COL2A1: variants seen among roughly 807,000 people sequenced by gnomAD.
COL2A1 encodes the protein collagen type II alpha 1 chain, also known as collagen alpha-1(II) chain.
A neutral mutation model predicts 204.5 loss-of-function variants in COL2A1; 28 were observed. The ratio of observed to expected loss-of-function variants is 0.14; its 90% CI spans 0.10 to 0.19. COL2A1 has a LOEUF of 0.19. COL2A1 is among the 10% of genes least tolerant of loss of function. The pLI is 1.00. For missense variants in COL2A1, 1,388 were observed against 2,027.5 expected, an observed-to-expected ratio of 0.68 and a Z score of 6.06; for synonymous variants, 708 against 718.7, an observed-to-expected ratio of 0.99 and a Z score of 0.24.
In COL2A1 at chr12:47,993,467, C is replaced by T. The variant is rs138806868; in HGVS notation, c.960G>A (p.Pro320=). 39 of 1,613,232 alleles carry T rather than the reference C, an allele frequency of 2.4e-5. No homozygotes were observed. In the African/African-American group the frequency reaches 2.9e-4, roughly 12 times the overall value. ...ESGSPGENGS[P]GPMGPRGLPG... ...GGGTGTCCATACTTACCATTGGGCC[C>T]GGAGATCCGTTCTCACCCGGGGAAC... The change falls in exon 15 of 54, where the codon CCG becomes CCA. Residue 320 remains proline (P), a synonymous_variant. Transcript: ENST00000380518.
At position 47,986,692 on chromosome 12, in the gene COL2A1, T is replaced by A. The variant is rs1448722562; in HGVS notation, c.1419+143A>T. 15 of 995,126 alleles carry A rather than the reference T, an allele frequency of 1.5e-5. No homozygotes were observed. In the East Asian group the frequency reaches 3.6e-4, roughly 24 times the overall value. 61.6% of individuals were successfully genotyped at this position (995,126 alleles called of 1,614,324 possible). ...TGTATCTGGGCCTTCTCAGCCCTGT[T>A]AAGTCTCCTCCAGGCATAATCTGAA... On this transcript the variant is annotated intron_variant, in intron 22 of 53. Transcript: ENST00000380518.
chr12:47,981,476 G>T, intron 36 of COL2A1, 80 bp from the exon 37 acceptor site: 1 of 1,320,470 alleles, frequency 7.6e-7, no homozygotes, highest in Non-Finnish European at 1.1e-6. Context: ...CATTTGGGGG[G>T]CCTTGCTCGT....
intron 32 of COL2A1, 57 bp from the exon 33 acceptor site, chr12:47,983,003 G>A (rs1939181847): frequency 1.2e-6 from 2 of 1,607,040 alleles, no homozygotes; most frequent in Non-Finnish European, 1.7e-6. Context: ...GAAGGTCCAG[G>A]GAGAAGCAGG....
At position 47,974,677 on chromosome 12, in the gene COL2A1, G is replaced by T. The variant is rs1938605744; in HGVS notation, c.4072C>A (p.His1358Asn). 1 of 1,614,048 alleles carries T rather than the reference G, an allele frequency of 6.2e-7. No homozygotes were observed. The highest frequency in any genetic ancestry group is 1.3e-5 in the African/African-American group (1 of 74,928). ...WFGETINGGFHFSYGDDNLAP... is the reference protein window; with the variant it reads ...WFGETINGGFNFSYGDDNLAP... ...ATCTAGGGCACCCAGGTACTCACATGGAAGCCACCATTGATGGTTTCTCCA... is the reference window on the plus strand; with the variant it reads ...ATCTAGGGCACCCAGGTACTCACATTGAAGCCACCATTGATGGTTTCTCCA... Residue 1358 changes from histidine (H) to asparagine (N), a missense_variant and splice_region_variant, in exon 52 of 54, where the codon CAT (histidine) becomes AAT (asparagine). By Grantham distance (68) the His-to-Asn change is moderately conservative. Around this residue, in one of 3 missense-constraint regions of COL2A1, gnomAD observed 303 missense variants for 369.2 expected, o/e 0.82. Transcript: ENST00000380518.
chr12:47,986,504 G>C (rs546643459), intron 22 of COL2A1, 61 bp from the exon 23 acceptor site: 5 of 1,047,892 alleles, frequency 4.8e-6, no homozygotes, highest in African/African-American at 4.7e-5. Context: ...AGCAAGCCTC[G>C]ACTCAGAGTA....
At position 47,987,033 on chromosome 12, in the gene COL2A1, C is replaced by G. The variant is rs771710122; in HGVS notation, c.1365+45G>C. On this transcript the variant is annotated intron_variant, in intron 21 of 53. Transcript: ENST00000380518. This position sits in a 1 kb window ranked among gnomAD's most constrained non-coding sequence, Gnocchi z 4.1. ...GGGAAAGAGGGGTGATGGGGTTTGA[C>G]TCCAGAGATGTCAGTGGAACTTGGG... is the stretch of plus-strand genomic sequence containing the variant. 2 of 1,597,088 alleles carry G rather than the reference C, an allele frequency of 1.3e-6. No individual in the cohort carries two copies. Among genetic ancestry groups the G allele is most frequent in the Non-Finnish European group, 1.7e-6 (2 of 1,164,586 alleles).
rs540750398 is a variant in COL2A1 at position 47,973,451 on chromosome 12, C to G, written c.4420G>C (p.Glu1474Gln). The part of the protein sequence containing the change: ...DIAPMDIGGP[E>Q]QEFGVDIGPV... ...CCTATGTCCACACCGAATTCCTGCT[C>G]GGGCCCTCCTATGTCCATGGGTGCA... The change falls in exon 54 of 54, where the codon GAG (glutamate) becomes CAG (glutamine). Residue 1474 changes from glutamate (E) to glutamine (Q), a missense_variant. Transcript: ENST00000380518. The G allele has an allele frequency of 2.5e-6, 4 of 1,614,122 alleles. No homozygotes were observed. The highest frequency in any genetic ancestry group is 2.2e-5 in the South Asian group (2 of 91,068).
chr12:47,980,418 T>C lies in COL2A1; in HGVS notation c.2625+136A>G. The C allele has an allele frequency of 1.2e-6, 1 of 836,546 alleles. No homozygotes were observed. Among genetic ancestry groups the C allele is most frequent in the South Asian group, 1.4e-5 (1 of 69,250 alleles). The allele number at this position is 836,546 out of a possible 1,614,324, so 51.8% of individuals were successfully genotyped here. A position where few individuals can be genotyped will look rare whatever the true frequency, so the allele number is the denominator to read the frequency against. On this transcript the variant is annotated intron_variant, in intron 39 of 53. Transcript: ENST00000380518. This position sits in a 1 kb window ranked among gnomAD's most constrained non-coding sequence, Gnocchi z 4.5. ...CCACCCACACAGCCCACATGCCACATGGAAGCTCCTTCTACCAACATGGGG... is the reference window on the plus strand; with the variant it reads ...CCACCCACACAGCCCACATGCCACACGGAAGCTCCTTCTACCAACATGGGG...
In COL2A1 at chr12:47,976,995, G is replaced by A. The variant is rs553785885; in HGVS notation, c.3328-76C>T. 6.5e-5 allele frequency: 99 copies of A among 1,533,868 alleles called. No homozygotes were observed. The South Asian group carries it at 1.0e-3, about 16-fold the overall frequency. Reference sequence around the variant, plus strand: ...CCCCCTCCTGTCCCACCCAAGCTGAGGAATCCCCGGAAACACAGGGCTGGA... The same window carrying A: ...CCCCCTCCTGTCCCACCCAAGCTGAAGAATCCCCGGAAACACAGGGCTGGA... On this transcript the variant is annotated intron_variant, in intron 47 of 53. Transcript: ENST00000380518. This position sits in a 1 kb window ranked among gnomAD's most constrained non-coding sequence, Gnocchi z 4.3.
intron 25 of COL2A1, 54 bp from the exon 26 acceptor site, chr12:47,985,641 C>T (rs1939354204): frequency 1.2e-6 from 2 of 1,609,180 alleles, no homozygotes; most frequent in Non-Finnish European, 1.7e-6. Context: ...CAGGACCTCC[C>T]AATCCTGGCA....
At chr12:47,982,740 C>T (rs1315212211) in intron 33 of COL2A1, 108 bp downstream of exon 33, 17 of 1,283,846 alleles carry the variant, frequency 1.3e-5, no homozygotes, top group Non-Finnish European at 1.6e-5. Flanking sequence ...TCCTTTCCAG[C>T]TCCCCCCACT....
intron 41 of COL2A1, 28 bp downstream of exon 41, chr12:47,979,483 T>C: frequency 6.2e-7 from 1 of 1,612,250 alleles, no homozygotes; most frequent in Non-Finnish European, 8.5e-7. Context: ...TGCCTGCCTG[T>C]GCCTCTCATG....
intron 44 of COL2A1, 119 bp from the exon 45 acceptor site, chr12:47,977,772 T>C: frequency 8.2e-7 from 1 of 1,214,446 alleles, no homozygotes; most frequent in South Asian, 1.3e-5. Context: ...ACTCACACTT[T>C]GAAGCCAAAG....
At position 47,998,663 on chromosome 12, in the gene COL2A1, A is replaced by G. The variant is rs1940081101; in HGVS notation, c.293-232T>C. The G allele has an allele frequency of 7.3e-6, 4 of 550,074 alleles. No homozygotes were observed. The South Asian group carries it at 9.7e-5, about 13-fold the overall frequency. 34.1% of individuals were successfully genotyped at this position (550,074 alleles called of 1,614,324 possible). ...GAGGTGACCCAGACTTTGTTATTCA[A>G]AAAGCAGGCAGCATGCAAAAGAAAG... On this transcript the variant is annotated intron_variant, in intron 2 of 53. Transcript: ENST00000380518.
intron 18 of COL2A1, 64 bp downstream of exon 18, chr12:47,989,164 G>A (rs1939580136): frequency 7.2e-7 from 1 of 1,391,682 alleles, no homozygotes; most frequent in Non-Finnish European, 1.0e-6. Flanking sequence ...AATGAGCAAG[G>A]GTTACGGGGA....
chr12:47,998,319 T>C, intron 3 of COL2A1, 96 bp downstream of exon 3: 1 of 1,537,846 alleles, frequency 6.5e-7, no homozygotes. Flanking sequence ...TTCTGATGTC[T>C]AAAAAATCAC....
intron 30 of COL2A1, 114 bp downstream of exon 30, chr12:47,983,569 G>C (rs540756094): frequency 2.1e-6 from 3 of 1,432,574 alleles, no homozygotes; most frequent in East Asian, 4.8e-5. Context: ...GGGAAGGCTC[G>C]ATGCCTGGCA....
rs2136518947 is a variant in COL2A1 at position 47,976,936 on chromosome 12, C to T, written c.3328-17G>A. The T allele has an allele frequency of 6.3e-7, 1 of 1,590,040 alleles. No homozygotes were observed. Among genetic ancestry groups the T allele is most frequent in the South Asian group, 1.1e-5 (1 of 88,074 alleles). On this transcript the variant is annotated splice_polypyrimidine_tract_variant and intron_variant, in intron 47 of 53. Transcript: ENST00000380518. The surrounding 1 kb of genome is among the most constrained non-coding windows in gnomAD (Gnocchi z 4.3). ...TTGAGGACCCTGGGAACAAGACAGA[C>T]ACCGATTGAGTCAGGTCAGGGCCAG...
intron 46 of COL2A1, 27 bp from the exon 47 acceptor site, chr12:47,977,182 GAGA>G (rs1938759408): frequency 6.2e-7 from 1 of 1,611,688 alleles, no homozygotes; most frequent in Non-Finnish European, 8.5e-7. Context: ...CGCAGCGTCA[GAGA>G]AAAGCCAGGA....
Sources: allele counts gnomAD v4.1 joint callset, GRCh38; gene constraint gnomAD v4.1.1; regional missense constraint gnomAD v4.1.1; non-coding constraint Gnocchi (gnomAD v3.1); transcripts MANE v1.5; gene names NCBI Gene and HGNC (gene_info 2026-07-23, HGNC 2026-07-21).